The following NKAIN2 variants were observed in gnomAD, a reference collection of about 807,000 sequenced individuals.
The protein encoded by NKAIN2 is sodium/potassium-transporting ATPase subunit beta-1-interacting protein 2.
A neutral mutation model predicts 32.6 loss-of-function variants in NKAIN2; 14 were observed. The ratio of observed to expected loss-of-function variants is 0.43; its 90% CI spans 0.28 to 0.67. The LOEUF is 0.67. NKAIN2 is among the 30% of genes least tolerant of loss of function. NKAIN2 has a pLI of 0.17. For missense variants in NKAIN2, 198 were observed against 258.3 expected, an observed-to-expected ratio of 0.77 and a Z score of 1.60; for synonymous variants, 80 against 87.2, an observed-to-expected ratio of 0.92 and a Z score of 0.46.
chr6:124,382,871 A>C (rs1772708586), intron 3 of NKAIN2, among the ~76,000 whole-genome samples: 1 of 152,160 alleles, frequency 6.6e-6, no homozygotes, highest in Admixed American at 6.5e-5. Context: ...GAGAAACAAA[A>C]TTACATCCGT....
intron 1 of NKAIN2, among the ~76,000 whole-genome samples, chr6:124,173,150 T>A (rs1448283841): frequency 1.3e-5 from 2 of 152,138 alleles, no homozygotes; most frequent in South Asian, 4.1e-4. Context: ...ATTGTCTAAT[T>A]GCATGATATA....
chr6:124,768,515 A>T (rs1432292266), intron 4 of NKAIN2, among the ~76,000 whole-genome samples: 4 of 152,186 alleles, frequency 2.6e-5, no homozygotes, highest in Non-Finnish European at 5.9e-5. Flanking sequence ...AACCTTCATT[A>T]TCAGAAAAAT....
chr6:124,312,370 G>C (rs1035132053), intron 2 of NKAIN2, among the ~76,000 whole-genome samples: 5 of 152,134 alleles, frequency 3.3e-5, no homozygotes, highest in Middle Eastern at 3.2e-3. Context: ...CCAGAAAACT[G>C]CACCCCCTTC....
chr6:124,297,561 C>A (rs889987659), intron 2 of NKAIN2, among the ~76,000 whole-genome samples: 1 of 151,544 alleles, frequency 6.6e-6, no homozygotes, highest in Admixed American at 6.6e-5. Context: ...CACCATACTG[C>A]TCTTCCTTCC....
At chr6:123,804,541 T>G (rs988867375) in intron 1 of NKAIN2, among the ~76,000 whole-genome samples, 1 of 152,192 alleles carries the variant, frequency 6.6e-6, no homozygotes, top group African/African-American at 2.4e-5. Flanking sequence ...GCTCTTGTTC[T>G]TTATGCTTTG....
At position 124,809,001 on chromosome 6, in the gene NKAIN2, G is replaced by A. The variant is rs143178412; in HGVS notation, c.536-9386G>A. On this transcript the variant is annotated intron_variant, in intron 5 of 6. Coordinates refer to ENST00000368417, the MANE Select transcript of NKAIN2 (RefSeq NM_001040214.3). ...TTAAAGAGGATACAAACAAATGGAA[G>A]AACATTCCATGCTCATGGGTAAGAA... Among the ~76,000 whole-genome samples, 244 of 152,238 alleles carry A rather than the reference G, an allele frequency of 1.6e-3. 2 individuals carry two copies. Among genetic ancestry groups the A allele is most frequent in the East Asian group, 0.015 (78 of 5,174 alleles).
rs563323817 is a variant in NKAIN2, at chr6:124,156,930, C to T, written c.55-126075C>T. On this transcript the variant is annotated intron_variant, in intron 1 of 6. Coordinates refer to ENST00000368417, the MANE Select transcript of NKAIN2 (RefSeq NM_001040214.3). ...CCAGCCTGGCCAACATGGTAAAACC[C>T]CGTCTTTACTAAAAATACAAAAATT... Among the ~76,000 whole-genome samples the T allele has an allele frequency of 1.4e-4, 21 of 151,612 alleles. 1 individual carries two copies. In the South Asian group the frequency reaches 4.4e-3, roughly 32 times the overall value.
intron 5 of NKAIN2, among the ~76,000 whole-genome samples, chr6:124,792,270 T>C (rs1779779512): frequency 6.6e-6 from 1 of 152,114 alleles, no homozygotes; most frequent in South Asian, 2.1e-4. Context: ...AATATGGTGA[T>C]TTGAGGGAAA....
intron 4 of NKAIN2, among the ~76,000 whole-genome samples, chr6:124,776,246 C>T (rs1003429559): frequency 6.6e-6 from 1 of 152,134 alleles, no homozygotes; most frequent in African/African-American, 2.4e-5. Flanking sequence ...TATATTTCTA[C>T]CCAACAGTTT....
At chr6:123,949,323 T>C (rs1465206081) in intron 1 of NKAIN2, among the ~76,000 whole-genome samples, 1 of 152,040 alleles carries the variant, frequency 6.6e-6, no homozygotes, top group Non-Finnish European at 1.5e-5. Flanking sequence ...TAGTATTTTT[T>C]CTATGTCTGT....
At chr6:124,193,424 C>T (rs926752278) in intron 1 of NKAIN2, among the ~76,000 whole-genome samples, 2 of 152,262 alleles carry the variant, frequency 1.3e-5, no homozygotes, top group South Asian at 4.1e-4. Flanking sequence ...TGCAGCTGCA[C>T]CAGGCATACC....
At chr6:124,676,783 A>G (rs1430060336) in intron 4 of NKAIN2, among the ~76,000 whole-genome samples, 2 of 152,058 alleles carry the variant, frequency 1.3e-5, no homozygotes, top group Non-Finnish European at 2.9e-5. Flanking sequence ...CAATTTATTT[A>G]AAGTCTATTT....
intron 1 of NKAIN2, among the ~76,000 whole-genome samples, chr6:124,001,146 C>T (rs1779860765): frequency 6.6e-6 from 1 of 151,794 alleles, no homozygotes; most frequent in East Asian, 1.9e-4. Context: ...GAGAAACTGA[C>T]TTTATAATCT....
intron 3 of NKAIN2, among the ~76,000 whole-genome samples, chr6:124,647,496 C>CAAAAAAAAAA (rs1157607122): frequency 6.8e-5 from 4 of 58,938 alleles, no homozygotes; most frequent in Non-Finnish European, 1.1e-4. Context: ...GAGACTCTGT[C>CAAAAAAAAAA]AAAAAAAAAA....
intron 3 of NKAIN2, among the ~76,000 whole-genome samples, chr6:124,405,660 G>A (rs1047417128): frequency 1.3e-5 from 2 of 151,676 alleles, no homozygotes; most frequent in African/African-American, 2.4e-5. Flanking sequence ...AACTATAGGC[G>A]TGAGCCACCG....
chr6:124,525,598 G>C (rs1373446322), intron 3 of NKAIN2, among the ~76,000 whole-genome samples: 1 of 152,048 alleles, frequency 6.6e-6, no homozygotes, highest in Non-Finnish European at 1.5e-5. Flanking sequence ...ATAAACAATG[G>C]ATTATGGTAT....
intron 1 of NKAIN2, among the ~76,000 whole-genome samples, chr6:124,013,809 G>C (rs550725082): frequency 2.3e-4 from 35 of 152,312 alleles, no homozygotes; most frequent in African/African-American, 8.2e-4. Flanking sequence ...CACAGAAAAA[G>C]GGTTAGAGAG....
chr6:124,300,632 T>A (rs549243024), intron 2 of NKAIN2, among the ~76,000 whole-genome samples: 1 of 152,310 alleles, frequency 6.6e-6, no homozygotes, highest in Admixed American at 6.5e-5. Context: ...ACTTGTTGAA[T>A]GGCTTTGATC....
At chr6:124,054,397 A>AG (rs1308615657) in intron 1 of NKAIN2, among the ~76,000 whole-genome samples, 4 of 152,224 alleles carry the variant, frequency 2.6e-5, no homozygotes, top group African/African-American at 9.6e-5. Context: ...GACAGCATTG[A>AG]GAATTGGACC....
Sources: gnomAD v4.1 joint callset for allele counts (sites outside exome capture counted in the v4.1 genomes callset) on GRCh38, gnomAD v4.1.1 for gene constraint, MANE v1.5 for transcripts, NCBI Gene and HGNC (gene_info 2026-07-23, HGNC 2026-07-21) for gene names.